QTMAN: variants seen among roughly 807,000 people sequenced by gnomAD.
QTMAN encodes the protein queuosine-tRNA mannosyltransferase.
the QTMAN span, among the ~76,000 whole-genome samples, chr2:144,059,798 T>C: frequency 1.9e-3 from 292 of 152,252 alleles, no homozygotes; most frequent in African/African-American, 6.8e-3. Flanking sequence ...ATGTTACTTC[T>C]GCTGGAATGC....
At chr2:143,993,020 G>A in the QTMAN span, among the ~76,000 whole-genome samples, 1 of 152,174 alleles carries the variant, frequency 6.6e-6, no homozygotes, top group Non-Finnish European at 1.5e-5. Flanking sequence ...CCTGCAGTGA[G>A]TTTTAAAAAT....
chr2:144,098,987 TG>T, the QTMAN span, among the ~76,000 whole-genome samples: 2 of 151,930 alleles, frequency 1.3e-5, no homozygotes, highest in Non-Finnish European at 1.5e-5. Context: ...AAGAAAGGAG[TG>T]ATGTTGATGC....
At chr2:144,072,656 T>C in the QTMAN span, among the ~76,000 whole-genome samples, 2 of 152,132 alleles carry the variant, frequency 1.3e-5, no homozygotes, top group Non-Finnish European at 2.9e-5. Flanking sequence ...CTCAAAACCT[T>C]GACAGAAATC....
chr2:144,022,919 G>A, the QTMAN span, among the ~76,000 whole-genome samples: 1 of 151,836 alleles, frequency 6.6e-6, no homozygotes. Flanking sequence ...AGTTAATTTT[G>A]ATAAATATAT....
the QTMAN span, among the ~76,000 whole-genome samples, chr2:144,058,238 T>G: frequency 6.6e-6 from 1 of 151,780 alleles, no homozygotes. Context: ...GTCCAATCTT[T>G]CCTTGAACTC....
At chr2:144,316,092 A>G in the QTMAN span, among the ~76,000 whole-genome samples, 1 of 152,172 alleles carries the variant, frequency 6.6e-6, no homozygotes. Context: ...AAACTAAAAA[A>G]ATTAGCTGGG....
At chr2:144,256,381 T>A in the QTMAN span, among the ~76,000 whole-genome samples, 1 of 152,248 alleles carries the variant, frequency 6.6e-6, no homozygotes, top group Admixed American at 6.5e-5. Context: ...CCAATATGTA[T>A]TAACTCTGCA....
the QTMAN span, among the ~76,000 whole-genome samples, chr2:144,189,272 C>A: frequency 1.3e-5 from 2 of 152,176 alleles, no homozygotes; most frequent in Admixed American, 6.5e-5. Context: ...CAAGTGTGCA[C>A]CACTGTGCCC....
At chr2:144,209,860 T>G in the QTMAN span, among the ~76,000 whole-genome samples, 1 of 152,190 alleles carries the variant, frequency 6.6e-6, no homozygotes, top group East Asian at 1.9e-4. Context: ...AATAGCATAA[T>G]GCTTTTCTTA....
the QTMAN span, among the ~76,000 whole-genome samples, chr2:144,143,067 C>A: frequency 1.3e-5 from 2 of 152,044 alleles, no homozygotes; most frequent in African/African-American, 4.8e-5. Flanking sequence ...TCTACAGTGG[C>A]CTGTGCTGCC....
the QTMAN span, chr2:144,235,707 C>T: frequency 2.0e-5 from 3 of 152,666 alleles, no homozygotes; most frequent in East Asian, 3.9e-4. Context: ...TGTCCCTTTA[C>T]ATATGTCCAA....
chr2:144,071,206 T>A, the QTMAN span, among the ~76,000 whole-genome samples: 21 of 152,026 alleles, frequency 1.4e-4, 1 homozygote, highest in Non-Finnish European at 8.8e-5. Flanking sequence ...TTTTTTTTTT[T>A]TTCTTACTCC....
chr2:144,167,862 G>C, the QTMAN span, among the ~76,000 whole-genome samples: 1 of 152,046 alleles, frequency 6.6e-6, no homozygotes, highest in African/African-American at 2.4e-5. Context: ...CCATATGTTA[G>C]AGATAAGTCA....
the QTMAN span, among the ~76,000 whole-genome samples, chr2:144,149,861 T>C: frequency 2.0e-5 from 3 of 152,056 alleles, no homozygotes; most frequent in Admixed American, 1.3e-4. Context: ...CCCTATTTAC[T>C]TAATATGTAA....
the QTMAN span, among the ~76,000 whole-genome samples, chr2:144,012,675 A>T: frequency 1.3e-5 from 2 of 152,190 alleles, no homozygotes. Flanking sequence ...GGTAAGTTCA[A>T]CCTACAGAAT....
chr2:144,038,568 C>T, the QTMAN span, among the ~76,000 whole-genome samples: 1 of 152,094 alleles, frequency 6.6e-6, no homozygotes, highest in Admixed American at 6.5e-5. Flanking sequence ...ATATTGTATG[C>T]AATAAAACAT....
the QTMAN span, among the ~76,000 whole-genome samples, chr2:144,300,815 A>C: frequency 1.3e-5 from 2 of 152,192 alleles, no homozygotes; most frequent in Non-Finnish European, 2.9e-5. Context: ...ATAATAACTC[A>C]AAACGAGAAA....
At chr2:143,971,875 C>G in the QTMAN span, among the ~76,000 whole-genome samples, 5 of 152,048 alleles carry the variant, frequency 3.3e-5, no homozygotes, top group African/African-American at 1.2e-4. Context: ...ATCTGCAACC[C>G]TAAATGTGTT....
the QTMAN span, among the ~76,000 whole-genome samples, chr2:144,004,763 T>C: frequency 1.3e-5 from 2 of 151,984 alleles, no homozygotes; most frequent in Non-Finnish European, 2.9e-5. Context: ...ATCATCATCA[T>C]CATCAGTACT....
Sources: gnomAD v4.1 joint callset for allele counts (sites outside exome capture counted in the v4.1 genomes callset) on GRCh38, gnomAD v4.1.1 for gene constraint, MANE v1.5 for transcripts, NCBI Gene and HGNC (gene_info 2026-07-23, HGNC 2026-07-21) for gene names.